DOCK4: variants seen among roughly 807,000 people sequenced by gnomAD.
DOCK4 encodes the protein dedicator of cytokinesis protein 4.
A neutral mutation model predicts 268.1 loss-of-function variants in DOCK4; 97 were observed. The observed-to-expected ratio is 0.36, with a 90% CI of 0.31 to 0.43. The LOEUF (loss-of-function observed/expected upper bound fraction) is 0.43, where lower values mean the gene tolerates loss of function less well. DOCK4 is among the 20% of genes least tolerant of loss of function. DOCK4 has a pLI of 1.00. For synonymous variants in DOCK4, 954 were observed against 887.2 expected (o/e 1.08, Z -1.34); for missense variants, 2,145 against 2,455.7 (o/e 0.87, Z 2.67).
intron 21 of DOCK4, among the ~76,000 whole-genome samples, chr7:111,868,958 C>T (rs1806202133): frequency 6.6e-6 from 1 of 152,196 alleles, no homozygotes. Flanking sequence ...AAGCTACTGA[C>T]ACCAAATAGG....
At chr7:111,956,034 G>A (rs1269392460) in intron 8 of DOCK4, among the ~76,000 whole-genome samples, 1 of 152,114 alleles carries the variant, frequency 6.6e-6, no homozygotes, top group Non-Finnish European at 1.5e-5. Context: ...GAGAGGATCT[G>A]GTCAACACAA....
At chr7:112,008,564 G>C (rs2135344492) in intron 1 of DOCK4, among the ~76,000 whole-genome samples, 1 of 152,266 alleles carries the variant, frequency 6.6e-6, no homozygotes, top group South Asian at 2.1e-4. Context: ...GTGAAATGGG[G>C]ACTCATTCCT....
At chr7:111,786,179 A>G (rs1799150350) in intron 32 of DOCK4, among the ~76,000 whole-genome samples, 1 of 152,224 alleles carries the variant, frequency 6.6e-6, no homozygotes, top group Admixed American at 6.5e-5. Context: ...TTATTGAATT[A>G]TTTAGAACTG....
intron 1 of DOCK4, among the ~76,000 whole-genome samples, chr7:112,109,257 A>C (rs1811411584): frequency 6.6e-6 from 1 of 152,146 alleles, no homozygotes; most frequent in African/African-American, 2.4e-5. Flanking sequence ...CACGCAAAAC[A>C]AAACAAAACA....
chr7:111,907,638 T>C (rs1035507576), intron 13 of DOCK4, among the ~76,000 whole-genome samples: 2 of 152,184 alleles, frequency 1.3e-5, no homozygotes, highest in African/African-American at 4.8e-5. Context: ...ACATCAGGGT[T>C]CAGGTCTAAG....
chr7:112,150,544 T>C (rs1815960925), intron 1 of DOCK4, among the ~76,000 whole-genome samples: 1 of 152,122 alleles, frequency 6.6e-6, no homozygotes. Flanking sequence ...CAAAAGCAAG[T>C]CAATCCTGGT....
At chr7:111,982,879 T>A (rs1798715045) in intron 7 of DOCK4, among the ~76,000 whole-genome samples, 1 of 152,094 alleles carries the variant, frequency 6.6e-6, no homozygotes, top group South Asian at 2.1e-4. Flanking sequence ...TGAACAAAAG[T>A]AAAGATGCCA....
At chr7:111,992,230 T>C (rs1055153331) in intron 5 of DOCK4, among the ~76,000 whole-genome samples, 2 of 152,164 alleles carry the variant, frequency 1.3e-5, no homozygotes, top group Non-Finnish European at 2.9e-5. Context: ...TATAAATTGC[T>C]AACAATTTAT....
chr7:111,834,013 T>C (rs143567752), intron 26 of DOCK4, among the ~76,000 whole-genome samples: 75 of 152,312 alleles, frequency 4.9e-4, no homozygotes, highest in African/African-American at 1.7e-3. Flanking sequence ...AGTGAAACCA[T>C]GAAGGATGCA....
At chr7:112,099,536 C>T (rs1810482877) in intron 1 of DOCK4, among the ~76,000 whole-genome samples, 1 of 152,152 alleles carries the variant, frequency 6.6e-6, no homozygotes, top group Non-Finnish European at 1.5e-5. Context: ...CCCATGAGGT[C>T]AGGAAGGGTA....
chr7:112,098,727 GT>G (rs1330496736), intron 1 of DOCK4, among the ~76,000 whole-genome samples: 2 of 149,006 alleles, frequency 1.3e-5, no homozygotes, highest in Non-Finnish European at 3.0e-5. Context: ...TATAGATTAT[GT>G]AAAATTCAGT....
chr7:111,889,931 T>C (rs1294282259), intron 16 of DOCK4, among the ~76,000 whole-genome samples: 1 of 152,222 alleles, frequency 6.6e-6, no homozygotes, highest in African/African-American at 2.4e-5. Context: ...TGGGCACTTC[T>C]GCCATGGTGG....
chr7:112,119,779 G>GT lies in DOCK4; in HGVS notation c.37+86322dup, dbSNP rs577586139. Among the ~76,000 whole-genome samples, 72 of 151,834 alleles carry GT rather than the reference G, an allele frequency of 4.7e-4. 1 individual carries two copies. Among genetic ancestry groups the GT allele is most frequent in the African/African-American group, 1.7e-3 (70 of 41,382 alleles). On this transcript the variant is annotated intron_variant, in intron 1 of 52. Coordinates refer to ENST00000428084, the MANE Select transcript of DOCK4 (RefSeq NM_001363540.2). ...ATGGAACCCATCTCATGCAGCTGCC[G>GT]TAAGGATTATACAAAGGCAGGAAGC...
intron 39 of DOCK4, among the ~76,000 whole-genome samples, chr7:111,761,042 G>A (rs948408919): frequency 2.0e-5 from 3 of 150,754 alleles, no homozygotes; most frequent in Admixed American, 1.3e-4. Flanking sequence ...TTTTATAATT[G>A]GGGAACCAGG....
In DOCK4 at chr7:111,755,612, C is replaced by CA. The variant is rs761017411; in HGVS notation, c.4330-12dup. 6.2e-7 allele frequency: 1 copy of CA among 1,613,430 alleles called. No homozygotes were observed. Among genetic ancestry groups the CA allele is most frequent in the Non-Finnish European group, 8.5e-7 (1 of 1,179,466 alleles). ...CTCCACCCAGAGACTCTACAAAACA[C>CA]AAAACACATTAAGTCTCCCAAGTTG... is the stretch of plus-strand genomic sequence containing the variant. On this transcript the variant is annotated splice_polypyrimidine_tract_variant and intron_variant, in intron 41 of 52. Coordinates refer to ENST00000428084, the MANE Select transcript of DOCK4 (RefSeq NM_001363540.2).
intron 30 of DOCK4, among the ~76,000 whole-genome samples, chr7:111,794,087 T>C (rs888869543): frequency 6.6e-6 from 1 of 152,140 alleles, no homozygotes; most frequent in Non-Finnish European, 1.5e-5. Flanking sequence ...GGGACACAGA[T>C]GCTGGAGGGC....
chr7:111,787,418 A>T (rs1053770741), intron 32 of DOCK4, among the ~76,000 whole-genome samples: 1 of 152,192 alleles, frequency 6.6e-6, no homozygotes, highest in African/African-American at 2.4e-5. Flanking sequence ...GGTCTTGGTG[A>T]ATAATTATGA....
intron 1 of DOCK4, among the ~76,000 whole-genome samples, chr7:112,075,369 C>T (rs1040991823): frequency 6.6e-6 from 1 of 152,186 alleles, no homozygotes; most frequent in African/African-American, 2.4e-5. Flanking sequence ...GGGAGCCTCA[C>T]ATGCAATTCC....
At chr7:111,914,331 G>T (rs1183167022) in intron 13 of DOCK4, among the ~76,000 whole-genome samples, 1 of 152,064 alleles carries the variant, frequency 6.6e-6, no homozygotes, top group Non-Finnish European at 1.5e-5. Context: ...TTCCCTCCAG[G>T]TATAATCTCT....
Sources: gnomAD v4.1 joint callset for allele counts (sites outside exome capture counted in the v4.1 genomes callset) on GRCh38, gnomAD v4.1.1 for gene constraint, MANE v1.5 for transcripts, NCBI Gene and HGNC (gene_info 2026-07-23, HGNC 2026-07-21) for gene names.